CLSTN2: variants seen among roughly 807,000 people sequenced by gnomAD.
The protein encoded by CLSTN2 is calsyntenin-2.
CLSTN2 carries 48 observed loss-of-function variants against 101.2 expected under a neutral mutation model. The ratio of observed to expected loss-of-function variants is 0.47; its 90% CI spans 0.38 to 0.60. The LOEUF is 0.60. Ranked by LOEUF, CLSTN2 falls within the 20% of genes least tolerant of loss-of-function variation. The pLI is 0.00. For synonymous variants in CLSTN2, 481 were observed against 463.6 expected (o/e 1.04, Z -0.48); for missense variants, 1,160 against 1,238.2 (o/e 0.94, Z 0.95).
chr3:140,459,789 C>A lies in CLSTN2; in HGVS notation c.1222+20C>A. 1 of 1,563,602 alleles carries A rather than the reference C, an allele frequency of 6.4e-7. No homozygotes were observed. Among genetic ancestry groups the A allele is most frequent in the South Asian group, 1.1e-5 (1 of 89,520 alleles). Reference sequence around the variant, plus strand: ...AAACCGGTGAGTCTCTAGCCCAGCCCTTCCACCCCTCCTACCCCAGCAGCT... The same window carrying A: ...AAACCGGTGAGTCTCTAGCCCAGCCATTCCACCCCTCCTACCCCAGCAGCT... On this transcript the variant is annotated intron_variant, in intron 7 of 16. Coordinates refer to ENST00000458420, the MANE Select transcript of CLSTN2 (RefSeq NM_022131.3).
chr3:140,229,758 C>A (rs762060644), intron 2 of CLSTN2, among the ~76,000 whole-genome samples: 4 of 151,996 alleles, frequency 2.6e-5, no homozygotes, highest in African/African-American at 4.8e-5. Flanking sequence ...GTTTTCAAGT[C>A]TTTTTCCTGT....
At chr3:140,013,516 G>A (rs1022023679) in intron 1 of CLSTN2, among the ~76,000 whole-genome samples, 4 of 152,206 alleles carry the variant, frequency 2.6e-5, no homozygotes, top group Admixed American at 6.5e-5. Context: ...AAATAAGGCC[G>A]TTTGGGTGCC....
chr3:140,488,874 T>G (rs1340613308), intron 8 of CLSTN2, among the ~76,000 whole-genome samples: 1 of 152,030 alleles, frequency 6.6e-6, no homozygotes, highest in Non-Finnish European at 1.5e-5. Context: ...TAGATCTGAT[T>G]GGCTATGTGC....
chr3:139,991,606 T>G (rs1936115775), intron 1 of CLSTN2, among the ~76,000 whole-genome samples: 1 of 152,260 alleles, frequency 6.6e-6, no homozygotes, highest in South Asian at 2.1e-4. Context: ...AGTTGCTGAA[T>G]TTAATTAAAT....
chr3:140,258,998 C>T (rs940555463), intron 2 of CLSTN2, among the ~76,000 whole-genome samples: 3 of 152,172 alleles, frequency 2.0e-5, no homozygotes, highest in African/African-American at 7.2e-5. Flanking sequence ...CACAGCAATA[C>T]ATGGACATAT....
intron 2 of CLSTN2, among the ~76,000 whole-genome samples, chr3:140,191,724 A>G (rs2010568531): frequency 6.6e-6 from 1 of 151,954 alleles, no homozygotes; most frequent in African/African-American, 2.4e-5. Flanking sequence ...TATCTGCAGG[A>G]TCTGTAATAT....
intron 2 of CLSTN2, among the ~76,000 whole-genome samples, chr3:140,287,818 C>T (rs1259485901): frequency 6.6e-6 from 1 of 152,136 alleles, no homozygotes; most frequent in Non-Finnish European, 1.5e-5. Context: ...TAAGATAGGT[C>T]TATCCGATCC....
chr3:140,208,880 G>A (rs2010818401), intron 2 of CLSTN2, among the ~76,000 whole-genome samples: 1 of 152,140 alleles, frequency 6.6e-6, no homozygotes. Flanking sequence ...CTGTAACCAT[G>A]CCTGACACAT....
At chr3:140,238,555 T>C (rs2086435093) in intron 2 of CLSTN2, among the ~76,000 whole-genome samples, 1 of 152,226 alleles carries the variant, frequency 6.6e-6, no homozygotes, top group Non-Finnish European at 1.5e-5. Flanking sequence ...GAGATTTCTC[T>C]TCATTTTCAG....
chr3:140,252,659 T>G (rs1269683784), intron 2 of CLSTN2, among the ~76,000 whole-genome samples: 1 of 152,296 alleles, frequency 6.6e-6, no homozygotes, highest in East Asian at 1.9e-4. Context: ...TCTGGGTCAT[T>G]TGGACACATG....
intron 2 of CLSTN2, among the ~76,000 whole-genome samples, chr3:140,183,333 T>C (rs1361716322): frequency 2.6e-5 from 4 of 152,138 alleles, no homozygotes; most frequent in Admixed American, 6.6e-5. Flanking sequence ...GATGTGTGAC[T>C]TCTAGTGCCC....
intron 1 of CLSTN2, among the ~76,000 whole-genome samples, chr3:140,160,466 T>C (rs1026766576): frequency 6.6e-6 from 1 of 152,290 alleles, no homozygotes; most frequent in Admixed American, 6.5e-5. Context: ...AAATGTTTCA[T>C]GTAAATATGA....
intron 2 of CLSTN2, among the ~76,000 whole-genome samples, chr3:140,343,690 T>G (rs2087513747): frequency 6.6e-6 from 1 of 152,256 alleles, no homozygotes; most frequent in Non-Finnish European, 1.5e-5. Flanking sequence ...ATTATTATAA[T>G]GAGTTTGACT....
rs149717820 is a variant in CLSTN2, at chr3:140,208,908, T to C, written c.232+32835T>C. ...TGACACATAGGAAGAGCTCAGTAAA[T>C]GTTATTCATGCCTCCACCCCACCGC... On this transcript the variant is annotated intron_variant, in intron 2 of 16. Transcript: ENST00000458420. 4.1e-3 allele frequency among the ~76,000 whole-genome samples: 629 copies of C among 152,200 alleles called. 3 individuals carry two copies. The highest frequency in any genetic ancestry group is 0.014 in the African/African-American group (589 of 41,534).
At chr3:140,356,957 C>T (rs189230015) in intron 2 of CLSTN2, among the ~76,000 whole-genome samples, 3 of 152,212 alleles carry the variant, frequency 2.0e-5, no homozygotes, top group Admixed American at 6.5e-5. Flanking sequence ...TGGCATGACC[C>T]TCCATTTTAC....
At chr3:139,989,009 A>G (rs9855298) in intron 1 of CLSTN2, among the ~76,000 whole-genome samples, 49,799 of 152,090 alleles carry the variant, frequency 0.33, 10,089 homozygotes, top group Non-Finnish European at 0.46. Flanking sequence ...AGGGCAGGGA[A>G]AGCCCGCTAA....
intron 1 of CLSTN2, among the ~76,000 whole-genome samples, chr3:140,147,140 C>A (rs1266920034): frequency 6.6e-6 from 1 of 152,226 alleles, no homozygotes; most frequent in African/African-American, 2.4e-5. Context: ...CAAGGAAATA[C>A]AAGACTACTT....
intron 2 of CLSTN2, among the ~76,000 whole-genome samples, chr3:140,403,106 G>A (rs143637094): frequency 4.2e-4 from 64 of 152,226 alleles, no homozygotes; most frequent in African/African-American, 1.3e-3. Flanking sequence ...AAACATTAAC[G>A]CAGCTGAAGG....
chr3:139,943,516 C>T (rs1183440334), intron 1 of CLSTN2, among the ~76,000 whole-genome samples: 3 of 152,210 alleles, frequency 2.0e-5, no homozygotes, highest in African/African-American at 7.2e-5. Flanking sequence ...ATTTCCCTCC[C>T]TCACAGGTTA....
Sources: allele counts gnomAD v4.1 joint callset (sites outside exome capture counted in the v4.1 genomes callset), GRCh38; gene constraint gnomAD v4.1.1; transcripts MANE v1.5; gene names NCBI Gene and HGNC (gene_info 2026-07-23, HGNC 2026-07-21).